PDGFRA: variants seen among roughly 807,000 people sequenced by gnomAD.
The protein encoded by PDGFRA is platelet-derived growth factor receptor alpha.
In PDGFRA, 25 loss-of-function variants were observed where a neutral mutation model predicts 121.5. The observed-to-expected ratio is 0.21, with a 90% confidence interval of 0.15 to 0.29. The LOEUF (loss-of-function observed/expected upper bound fraction) is 0.29, where lower values mean the gene tolerates loss of function less well. Ranked by LOEUF, PDGFRA falls within the 10% of genes least tolerant of loss-of-function variation. PDGFRA has a pLI of 1.00. For synonymous variants in PDGFRA, 463 were observed against 494.8 expected, an observed-to-expected ratio of 0.94 and a Z score of 0.85; for missense variants, 1,008 against 1,345.1, an observed-to-expected ratio of 0.75 and a Z score of 3.92.
At chr4:54,260,711 A>T (rs1264249514) in intron 2 of PDGFRA, among the ~76,000 whole-genome samples, 1 of 152,060 alleles carries the variant, frequency 6.6e-6, no homozygotes, top group Non-Finnish European at 1.5e-5. Context: ...CCCCAGCCTC[A>T]TCTCATTTTA....
At chr4:54,251,208 A>G (rs1722040700) in intron 1 of PDGFRA, among the ~76,000 whole-genome samples, 1 of 152,228 alleles carries the variant, frequency 6.6e-6, no homozygotes, top group Non-Finnish European at 1.5e-5. Context: ...ACAAGAGTTA[A>G]CAGCATGGAC....
chr4:54,264,896 C>G, intron 4 of PDGFRA, 23 bp from the exon 5 acceptor site: 1 of 1,607,904 alleles, frequency 6.2e-7, no homozygotes, highest in Non-Finnish European at 8.5e-7. Context: ...TTTTTAGGCC[C>G]TTGTATTTGT....
Position 54,261,263 on chromosome 4 carries a change from A to G in PDGFRA, c.218A>G (p.Asn73Ser). The change falls in exon 3 of 23, where the codon AAT (asparagine) becomes AGT (serine). Residue 73 changes from asparagine to serine, a missense_variant. Around this residue, in one of 5 missense-constraint regions of PDGFRA, gnomAD observed 575 missense variants for 701.8 expected, o/e 0.82. Transcript: ENST00000257290. ...GAGAGCTCCGATGTGGAAATCAGAA[A>G]TGAAGAAAACAACAGCGGCCTTTTT... ...EEESSDVEIR[N>S]EENNSGLFVT... is the part of the protein sequence containing the mutation. The G allele has an allele frequency of 6.2e-7, 1 of 1,614,198 alleles. No individual in the cohort carries two copies.
chr4:54,286,684 G>A (rs903789722), intron 18 of PDGFRA, among the ~76,000 whole-genome samples: 3 of 152,124 alleles, frequency 2.0e-5, no homozygotes, highest in Admixed American at 6.6e-5. Flanking sequence ...TGTCAATTGC[G>A]TGTATGCATG....
intron 1 of PDGFRA, among the ~76,000 whole-genome samples, chr4:54,236,063 G>A (rs990114762): frequency 2.6e-5 from 4 of 152,236 alleles, no homozygotes; most frequent in African/African-American, 7.2e-5. Context: ...CTCTTTCTCA[G>A]TTTGTTCCTC....
At chr4:54,253,344 G>T (rs1231889105) in intron 1 of PDGFRA, among the ~76,000 whole-genome samples, 1 of 152,206 alleles carries the variant, frequency 6.6e-6, no homozygotes, top group African/African-American at 2.4e-5. Context: ...TACTAGTCGT[G>T]CTTCCTAGAA....
chr4:54,287,398 A>ATGGG, intron 18 of PDGFRA, 32 bp from the exon 19 acceptor site: 1 of 852,096 alleles, frequency 1.2e-6, no homozygotes, highest in Non-Finnish European at 2.1e-6. Context: ...GTGAGTAGAC[A>ATGGG]TGGGTTTAAC....
Position 54,273,579 on chromosome 4 carries a change from C to T in PDGFRA, c.1407C>T (p.Val469=), listed in dbSNP as rs2110291645. The change falls in exon 10 of 23, where the codon GTC becomes GTT. Residue 469 remains valine, a synonymous_variant. Transcript: ENST00000257290. ...ETSWTILANN[V]SNIITEIHSR... ...CCTGGACTATTTTGGCCAACAATGT[C>T]TCAAACATCATCACGGAGATCCACT... The T allele has an allele frequency of 1.9e-6, 3 of 1,614,138 alleles. No homozygotes were observed. Among genetic ancestry groups the T allele is most frequent in the Non-Finnish European group, 2.5e-6 (3 of 1,180,004 alleles).
intron 1 of PDGFRA, among the ~76,000 whole-genome samples, chr4:54,254,963 G>C (rs1722278545): frequency 6.6e-6 from 1 of 152,190 alleles, no homozygotes; most frequent in South Asian, 2.1e-4. Flanking sequence ...AATTGTGGGG[G>C]AGGGACAGGC....
intron 5 of PDGFRA, 37 bp from the exon 6 acceptor site, chr4:54,267,252 C>T: frequency 6.2e-7 from 1 of 1,608,394 alleles, no homozygotes; most frequent in East Asian, 2.2e-5. Flanking sequence ...TAGGAGCGAG[C>T]TTTTTAAAAG....
intron 1 of PDGFRA, among the ~76,000 whole-genome samples, chr4:54,238,955 G>A (rs1055949468): frequency 1.3e-5 from 2 of 151,908 alleles, no homozygotes; most frequent in African/African-American, 4.8e-5. Flanking sequence ...CCTGGGTGAT[G>A]GAATAAGACC....
chr4:54,232,861 C>T lies in PDGFRA; in HGVS notation c.-13+3446C>T, dbSNP rs182236278. Among the ~76,000 whole-genome samples, 649 of 152,338 alleles carry T rather than the reference C, an allele frequency of 4.3e-3. 6 individuals are homozygous for T. Among genetic ancestry groups the T allele is most frequent in the African/African-American group, 0.015 (617 of 41,586 alleles). On this transcript the variant is annotated intron_variant, in intron 1 of 22. Coordinates refer to ENST00000257290, the MANE Select transcript of PDGFRA (RefSeq NM_006206.6). The stretch of plus-strand genomic sequence containing the variant: ...CGGCCTCCCAAAGTGCTGGGATTTA[C>T]AGGCGTAAGCCACCGCGCCCGGCCA...
In PDGFRA at chr4:54,296,499, C is replaced by G. The variant is rs1724891687; in HGVS notation, c.*1227C>G. ...AGCCTCCTTCTTTCACCCCTTACCCCAAAGAGAAAGAGTTTGAAACTCGAG... is the reference window on the plus strand; with the variant it reads ...AGCCTCCTTCTTTCACCCCTTACCCGAAAGAGAAAGAGTTTGAAACTCGAG... On this transcript the variant is annotated 3_prime_UTR_variant, in exon 23 of 23. Transcript: ENST00000257290. The G allele has an allele frequency of 4.3e-6, 1 of 230,232 alleles. No homozygotes were observed. Among genetic ancestry groups the G allele is most frequent in the South Asian group, 1.8e-4 (1 of 5,482 alleles). 14.3% of individuals were successfully genotyped at this position (230,232 alleles called of 1,614,324 possible).
At chr4:54,264,661 G>A (rs1722933865) in intron 4 of PDGFRA, 1 of 407,028 alleles carries the variant, frequency 2.5e-6, no homozygotes, top group South Asian at 2.2e-5. Flanking sequence ...ACCCACTGCT[G>A]AGGAATGCGG....
chr4:54,272,328 A>G (rs1723445230), intron 8 of PDGFRA, 66 bp from the exon 9 acceptor site: 1 of 1,579,424 alleles, frequency 6.3e-7, no homozygotes, highest in Non-Finnish European at 8.7e-7. Context: ...CTCATATTCC[A>G]CTTTGTAGTC....
At chr4:54,269,842 G>A (rs1723243109) in intron 7 of PDGFRA, among the ~76,000 whole-genome samples, 1 of 151,264 alleles carries the variant, frequency 6.6e-6, no homozygotes, top group Non-Finnish European at 1.5e-5. Context: ...GTAGAGATGG[G>A]GGTTTCACCA....
chr4:54,251,939 A>C (rs556556579), intron 1 of PDGFRA, among the ~76,000 whole-genome samples: 2 of 152,374 alleles, frequency 1.3e-5, no homozygotes, highest in South Asian at 4.1e-4. Context: ...CATAAGATTA[A>C]AACTTTATGG....
Position 54,285,386 on chromosome 4 carries a change from ACCT to A in PDGFRA, c.2343_2345del (p.Leu782del), listed in dbSNP as rs1724289823. 1 of 1,459,984 alleles carries A rather than the reference ACCT, an allele frequency of 6.8e-7. No individual in the cohort carries two copies. The highest frequency in any genetic ancestry group is 1.4e-5 in the African/African-American group (1 of 71,854). The allele number at this position is 1,459,984 out of a possible 1,614,324, so 90.4% of individuals were successfully genotyped here. A position where few individuals can be genotyped will look rare whatever the true frequency, so the allele number is the denominator to read the frequency against. ...TTTTCTGCAGACTCAGAAGTCAAAA[ACCT>A]CCTTTCAGATGATAACTCAGAAGGC... On this transcript the variant is annotated inframe_deletion, in exon 17 of 23. Transcript: ENST00000257290.
chr4:54,235,862 G>C (rs1720979878), intron 1 of PDGFRA, among the ~76,000 whole-genome samples: 1 of 152,276 alleles, frequency 6.6e-6, no homozygotes, highest in Admixed American at 6.5e-5. Context: ...CAAGCAACCA[G>C]TCAGGCCTTG....
Sources: gnomAD v4.1 joint callset for allele counts (sites outside exome capture counted in the v4.1 genomes callset) on GRCh38, gnomAD v4.1.1 for gene constraint, gnomAD v4.1.1 regional missense constraint, MANE v1.5 for transcripts, NCBI Gene and HGNC (gene_info 2026-07-23, HGNC 2026-07-21) for gene names.